Variants in ATP2C1 observed in about 807,000 individuals in gnomAD.
The protein encoded by ATP2C1 is calcium-transporting ATPase type 2C member 1.
A neutral mutation model predicts 120.5 loss-of-function variants in ATP2C1; 31 were observed. That is an observed-to-expected ratio of 0.26 (90% CI 0.19 to 0.35). The LOEUF (loss-of-function observed/expected upper bound fraction) is 0.35, where lower values mean the gene tolerates loss of function less well. ATP2C1 is among the 10% of genes least tolerant of loss of function. ATP2C1 has a pLI of 1.00. For synonymous variants in ATP2C1, 351 were observed against 358.7 expected, an observed-to-expected ratio of 0.98 and a Z score of 0.24; for missense variants, 731 against 1,107.5, an observed-to-expected ratio of 0.66 and a Z score of 4.83.
chr3:131,012,797 T>A (rs148957364), intron 26 of ATP2C1, among the ~76,000 whole-genome samples: 33 of 152,276 alleles, frequency 2.2e-4, no homozygotes, highest in African/African-American at 7.7e-4. Flanking sequence ...ATTGTTAGGG[T>A]TGAATACTCT....
chr3:130,885,545 A>G (rs2068945673), intron 1 of ATP2C1, among the ~76,000 whole-genome samples: 1 of 152,042 alleles, frequency 6.6e-6, no homozygotes. Context: ...ATACTATCTT[A>G]TAACCCATTA....
chr3:130,914,124 T>C (rs1268617092), intron 2 of ATP2C1, among the ~76,000 whole-genome samples: 1 of 152,044 alleles, frequency 6.6e-6, no homozygotes, highest in Non-Finnish European at 1.5e-5. Context: ...TGATAACATA[T>C]AAATGACTAA....
intron 1 of ATP2C1, among the ~76,000 whole-genome samples, chr3:130,876,501 T>C (rs915740460): frequency 4.6e-5 from 7 of 152,150 alleles, no homozygotes; most frequent in Non-Finnish European, 1.0e-4. Context: ...GTTTTTATCT[T>C]GCTGTTTTGG....
chr3:130,973,605 G>A (rs1252259337), intron 17 of ATP2C1, among the ~76,000 whole-genome samples: 2 of 152,180 alleles, frequency 1.3e-5, no homozygotes, highest in East Asian at 3.8e-4. Flanking sequence ...GCAGGACAGA[G>A]TGGGATTTCA....
At chr3:130,958,051 C>T (rs1231141279) in intron 11 of ATP2C1, among the ~76,000 whole-genome samples, 2 of 152,032 alleles carry the variant, frequency 1.3e-5, no homozygotes, top group Non-Finnish European at 2.9e-5. Flanking sequence ...TTTGATAGAT[C>T]GAATGACATT....
intron 1 of ATP2C1, among the ~76,000 whole-genome samples, chr3:130,866,459 T>A (rs2068179664): frequency 6.6e-6 from 1 of 152,254 alleles, no homozygotes; most frequent in Non-Finnish European, 1.5e-5. Flanking sequence ...TCCTCTTCTT[T>A]CATCTAACTG....
chr3:130,868,119 T>TG lies in ATP2C1; in HGVS notation c.108+17198dup, dbSNP rs1392495577. 5.5e-3 allele frequency: 546 copies of TG among 99,338 alleles called. 16 individuals are homozygous for TG. The highest frequency in any genetic ancestry group is 7.8e-3 in the Non-Finnish European group (365 of 46,956). 6.2% of individuals were successfully genotyped at this position (99,338 alleles called of 1,614,324 possible). On this transcript the variant is annotated intron_variant, in intron 1 of 26. Transcript: ENST00000504381. ...GCAGCCACCCCGTCCCGGAGGGAGG[T>TG]GGGGGGGCTCAGCCCCCCGCCCGGC...
chr3:130,986,184 C>CTTTT (rs34877609), intron 20 of ATP2C1, among the ~76,000 whole-genome samples: 51 of 135,136 alleles, frequency 3.8e-4, no homozygotes, highest in Non-Finnish European at 5.6e-4. Flanking sequence ...TTGAATAGGG[C>CTTTT]TTTTTTTTTT....
chr3:130,941,811 C>A, intron 8 of ATP2C1, 112 bp downstream of exon 8: 1 of 952,678 alleles, frequency 1.0e-6, no homozygotes, highest in Non-Finnish European at 1.7e-6. Context: ...ATTTGGTATT[C>A]TACTTTAAAA....
intron 1 of ATP2C1, among the ~76,000 whole-genome samples, chr3:130,856,981 G>A (rs1450695409): frequency 6.6e-6 from 1 of 152,214 alleles, no homozygotes; most frequent in African/African-American, 2.4e-5. Context: ...GCACAAATGG[G>A]TTAAGATAGA....
intron 20 of ATP2C1, among the ~76,000 whole-genome samples, chr3:130,986,539 G>C (rs1354656696): frequency 6.6e-6 from 1 of 152,204 alleles, no homozygotes; most frequent in Non-Finnish European, 1.5e-5. Context: ...CCCAAGTAGA[G>C]TGTGTGTGCG....
intron 2 of ATP2C1, among the ~76,000 whole-genome samples, chr3:130,903,686 C>T (rs565504670): frequency 7.2e-6 from 1 of 139,652 alleles, no homozygotes; most frequent in Non-Finnish European, 1.6e-5. Context: ...TTCCCCTTTC[C>T]CATTTCCCCT....
At chr3:130,959,648 A>C (rs2060734148) in intron 12 of ATP2C1, 1 of 167,372 alleles carries the variant, frequency 6.0e-6, no homozygotes, top group Non-Finnish European at 1.3e-5. Flanking sequence ...GAAAGTTCAC[A>C]ATATAGAAAT....
intron 2 of ATP2C1, among the ~76,000 whole-genome samples, chr3:130,929,188 G>C (rs1430561374): frequency 6.6e-6 from 1 of 152,218 alleles, no homozygotes; most frequent in East Asian, 1.9e-4. Flanking sequence ...ATTAAAAGTT[G>C]AAAAATACTA....
At chr3:130,946,147 C>T (rs1255185530) in intron 8 of ATP2C1, among the ~76,000 whole-genome samples, 1 of 152,158 alleles carries the variant, frequency 6.6e-6, no homozygotes, top group Non-Finnish European at 1.5e-5. Flanking sequence ...ACCACTTGGG[C>T]TAGCAACCAA....
At chr3:130,997,874 TATAAGAAC>T in intron 25 of ATP2C1, 121 bp downstream of exon 25, 1 of 971,282 alleles carries the variant, frequency 1.0e-6, no homozygotes, top group South Asian at 1.4e-5. Flanking sequence ...TAGTGAAAAA[TATAAGAAC>T]ATTTTAAAAG....
At position 130,987,016 on chromosome 3, in the gene ATP2C1, T is replaced by A. The variant is rs368290368; in HGVS notation, c.1840-5935T>A. Among the ~76,000 whole-genome samples the A allele has an allele frequency of 1.3e-4, 20 of 151,736 alleles. 1 individual carries two copies. In the South Asian group the frequency reaches 4.2e-3, roughly 32 times the overall value. On this transcript the variant is annotated intron_variant, in intron 20 of 27. Transcript: ENST00000510168. ...GTGCAGTGGCATGATCATAGCTCACTGCTGCCCTGAATTCCTGGGCCCAAG... is the reference window on the plus strand; with the variant it reads ...GTGCAGTGGCATGATCATAGCTCACAGCTGCCCTGAATTCCTGGGCCCAAG...
chr3:131,016,699 C>A, downstream of ATP2C1: 1 of 322,774 alleles, frequency 3.1e-6, no homozygotes, highest in Non-Finnish European at 6.0e-6. Context: ...CTTTACTGTT[C>A]TCTTTCACCG....
At chr3:130,934,349 A>G (rs1446524483) in intron 4 of ATP2C1, among the ~76,000 whole-genome samples, 1 of 152,198 alleles carries the variant, frequency 6.6e-6, no homozygotes, top group Non-Finnish European at 1.5e-5. Context: ...TAATATACCA[A>G]AAATTGCTGT....
Sources: gnomAD v4.1 joint callset for allele counts (sites outside exome capture counted in the v4.1 genomes callset) on GRCh38, gnomAD v4.1.1 for gene constraint, MANE v1.5 for transcripts, NCBI Gene and HGNC (gene_info 2026-07-23, HGNC 2026-07-21) for gene names.